Variants in CACNA1A observed in about 807,000 individuals in gnomAD.
CACNA1A encodes calcium voltage-gated channel subunit alpha1 A.
A neutral mutation model predicts 262.4 loss-of-function variants in CACNA1A; 57 were observed. That is an observed-to-expected ratio of 0.22 (90% CI 0.18 to 0.27). CACNA1A has a LOEUF of 0.27. Ranked by LOEUF, CACNA1A falls within the 10% of genes least tolerant of loss-of-function variation. The probability of loss-of-function intolerance (pLI) is 1.00; values close to 1 mark genes in which losing one functional copy is unlikely to be tolerated. For synonymous variants in CACNA1A, 1,431 were observed against 1,419.3 expected, an observed-to-expected ratio of 1.01 and a Z score of -0.18; for missense variants, 2,526 against 3,562.8, an observed-to-expected ratio of 0.71 and a Z score of 7.41.
intron 6 of CACNA1A, among the ~76,000 whole-genome samples, chr19:13,337,131 A>G (rs774387027): frequency 6.6e-6 from 1 of 152,232 alleles, no homozygotes; most frequent in Non-Finnish European, 1.5e-5. Flanking sequence ...TAATCTGCCA[A>G]TGGGAGGGCA....
intron 19 of CACNA1A, among the ~76,000 whole-genome samples, chr19:13,288,840 GC>G (rs2057467069): frequency 6.6e-6 from 1 of 152,118 alleles, no homozygotes; most frequent in Non-Finnish European, 1.5e-5. Flanking sequence ...CTTCCCACTG[GC>G]TAAACTACCA....
At chr19:13,261,289 C>G in intron 26 of CACNA1A, 161 bp downstream of exon 26, 1 of 604,264 alleles carries the variant, frequency 1.7e-6, no homozygotes. Flanking sequence ...ATTCTAAAAC[C>G]GGTTTTCTTT....
chr19:13,233,298 C>T (rs933605680), intron 34 of CACNA1A, among the ~76,000 whole-genome samples: 3 of 152,068 alleles, frequency 2.0e-5, no homozygotes, highest in Non-Finnish European at 2.9e-5. Flanking sequence ...CATAACCTGC[C>T]GGCCCTCTAT....
chr19:13,299,463 T>C (rs1433012422), intron 18 of CACNA1A, 110 bp from the exon 19 acceptor site: 1 of 860,134 alleles, frequency 1.2e-6, no homozygotes, highest in Non-Finnish European at 1.9e-6. Context: ...CTCTCCACCC[T>C]CTACTCCCCA....
chr19:13,435,823 TTTTTG>T (rs1257054119), intron 3 of CACNA1A, among the ~76,000 whole-genome samples: 4 of 152,064 alleles, frequency 2.6e-5, no homozygotes, highest in Admixed American at 1.3e-4. Context: ...GCTTTACTTG[TTTTTG>T]TTTTGTTTTG....
chr19:13,278,080 TAA>T (rs775678652), intron 22 of CACNA1A: 21 of 89,460 alleles, frequency 2.3e-4, no homozygotes, highest in Admixed American at 1.3e-4. Context: ...AGAGACTGTC[TAA>T]AAAAAAAAAA....
At chr19:13,454,758 G>C (rs2060975988) in intron 2 of CACNA1A, among the ~76,000 whole-genome samples, 1 of 152,066 alleles carries the variant, frequency 6.6e-6, no homozygotes. Flanking sequence ...TTTGAGACCA[G>C]CCTAAGCAAC....
In CACNA1A at chr19:13,458,886, T is replaced by G. The variant is rs1398563470; in HGVS notation, c.294-3674A>C. On this transcript the variant is annotated intron_variant, in intron 1 of 46. Transcript: ENST00000360228. ...GAGGTGTAAGCGCTGGAGAAGCGGC[T>G]GCTTGAGTGAAAAAGCCATAGGGTG... Among the ~76,000 whole-genome samples the G allele has an allele frequency of 2.6e-5, 4 of 152,356 alleles. No individual in the cohort carries two copies. In the East Asian group the frequency reaches 7.7e-4, roughly 29 times the overall value.
At chr19:13,447,811 C>T (rs184623430) in intron 3 of CACNA1A, among the ~76,000 whole-genome samples, 45 of 152,296 alleles carry the variant, frequency 3.0e-4, no homozygotes, top group African/African-American at 1.0e-3. Context: ...CCAGAAGACT[C>T]AGCAAGTCTA....
At chr19:13,232,274 G>T (rs2055694155) in intron 34 of CACNA1A, among the ~76,000 whole-genome samples, 1 of 148,542 alleles carries the variant, frequency 6.7e-6, no homozygotes, top group Non-Finnish European at 1.5e-5. Flanking sequence ...ACTGCTCACT[G>T]CAGCCTCAAC....
At chr19:13,412,973 A>G (rs577605891) in intron 3 of CACNA1A, among the ~76,000 whole-genome samples, 81 of 151,612 alleles carry the variant, frequency 5.3e-4, no homozygotes, top group Admixed American at 1.3e-3. Context: ...GGTTAGGACC[A>G]GGTGTGGGGG....
At chr19:13,334,324 G>T in intron 8 of CACNA1A, 54 bp downstream of exon 8, 1 of 954,412 alleles carries the variant, frequency 1.0e-6, no homozygotes, top group Non-Finnish European at 1.7e-6. Flanking sequence ...GACTCTCTTT[G>T]TACTCCGTGG....
chr19:13,259,343 G>GGTTTTT (rs2056665021), intron 27 of CACNA1A: 3 of 79,838 alleles, frequency 3.8e-5, no homozygotes, highest in Non-Finnish European at 4.5e-5. Context: ...TTTTTTTTTT[G>GGTTTTT]GGATTTTTAG....
chr19:13,294,654 A>AT (rs2057625668), intron 19 of CACNA1A, among the ~76,000 whole-genome samples: 1 of 151,608 alleles, frequency 6.6e-6, no homozygotes, highest in South Asian at 2.1e-4. Context: ...CGCCTGGCTA[A>AT]TTTTTTGTAT....
chr19:13,225,197 G>GT (rs1432762934), intron 37 of CACNA1A: 1 of 171,160 alleles, frequency 5.8e-6, no homozygotes, highest in African/African-American at 2.4e-5. Context: ...CTGGTGGGGG[G>GT]TGCCACTGGC....
At position 13,241,651 on chromosome 19, in the gene CACNA1A, G is replaced by A. The variant is rs980895946; in HGVS notation, c.4950+3531C>T. 1.5e-5 allele frequency: 10 copies of A among 667,538 alleles called. No individual in the cohort carries two copies. Among genetic ancestry groups the A allele is most frequent in the Non-Finnish European group, 2.2e-5 (8 of 365,364 alleles). 41.4% of individuals were successfully genotyped at this position (667,538 alleles called of 1,614,324 possible). A position where few individuals can be genotyped will look rare whatever the true frequency, so the allele number is the denominator to read the frequency against. Reference sequence around the variant, plus strand: ...AACCAATGGGTTTCGGTTCCCGGGCGGGGAGTGGGGGTGGTGGTGGCGGTG... The same window carrying A: ...AACCAATGGGTTTCGGTTCCCGGGCAGGGAGTGGGGGTGGTGGTGGCGGTG... On this transcript the variant is annotated intron_variant, in intron 31 of 46. Transcript: ENST00000360228. This position sits in a 1 kb window ranked among gnomAD's most constrained non-coding sequence, Gnocchi z 4.0.
chr19:13,224,051 C>T (rs1193009189), intron 38 of CACNA1A, among the ~76,000 whole-genome samples: 1 of 151,926 alleles, frequency 6.6e-6, no homozygotes, highest in Non-Finnish European at 1.5e-5. Context: ...GCCTGTAATC[C>T]AGCACTTTGA....
Position 13,330,351 on chromosome 19 carries a change from T to C in CACNA1A, c.1256-18A>G, listed in dbSNP as rs1369047772. ...CCGCAGAGCTCCAACAATGGAAACA[T>C]GGCAAGAGAAAAAGACGTTACCCTT... On this transcript the variant is annotated intron_variant, in intron 9 of 46. Coordinates refer to ENST00000360228, the MANE Select transcript of CACNA1A (RefSeq NM_001127222.2). 8.4e-6 allele frequency: 13 copies of C among 1,545,884 alleles called. No homozygotes were observed. The highest frequency in any genetic ancestry group is 1.1e-5 in the Non-Finnish European group (13 of 1,140,510).
At chr19:13,434,737 A>G (rs2060580758) in intron 3 of CACNA1A, among the ~76,000 whole-genome samples, 1 of 152,102 alleles carries the variant, frequency 6.6e-6, no homozygotes, top group Non-Finnish European at 1.5e-5. Context: ...TCGTGAGTCA[A>G]TTAAACCTCT....
Sources: gnomAD v4.1 joint callset for allele counts (sites outside exome capture counted in the v4.1 genomes callset) on GRCh38, gnomAD v4.1.1 for gene constraint, Gnocchi (gnomAD v3.1) non-coding constraint, MANE v1.5 for transcripts, NCBI Gene and HGNC (gene_info 2026-07-23, HGNC 2026-07-21) for gene names.